DAB1: variants seen among roughly 807,000 people sequenced by gnomAD.
DAB1 encodes the protein DAB adaptor protein 1.
DAB1 carries 15 observed loss-of-function variants against 64.6 expected under a neutral mutation model. That is an observed-to-expected ratio of 0.23 (90% confidence interval 0.16 to 0.36). DAB1 has a LOEUF of 0.36. Among genes scored for constraint, DAB1 ranks in the 10% least tolerant of loss-of-function variants. The pLI is 1.00. For missense variants in DAB1, 596 were observed against 706.7 expected (o/e 0.84, Z 1.78); for synonymous variants, 235 against 251.9 (o/e 0.93, Z 0.64).
At chr1:57,510,503 T>A (rs955279750) in intron 7 of DAB1, among the ~76,000 whole-genome samples, 2 of 152,160 alleles carry the variant, frequency 1.3e-5, no homozygotes, top group Non-Finnish European at 2.9e-5. Context: ...ATGCTAATGA[T>A]TCCCAAGTTT....
chr1:57,299,647 T>C (rs143376925), intron 1 of DAB1, among the ~76,000 whole-genome samples: 1 of 150,466 alleles, frequency 6.6e-6, no homozygotes, highest in African/African-American at 2.5e-5. Context: ...ATTCCATTAG[T>C]GTTTTCAATA....
chr1:57,206,424 A>C (rs10489465), intron 2 of DAB1, among the ~76,000 whole-genome samples: 20,707 of 152,186 alleles, frequency 0.14, 1,785 homozygotes, highest in Admixed American at 0.25. Context: ...TGTAATATGG[A>C]AACAGTCTAT....
At chr1:58,353,665 T>A (rs560398758) in intron 3 of DAB1, among the ~76,000 whole-genome samples, 9 of 152,140 alleles carry the variant, frequency 5.9e-5, no homozygotes, top group Non-Finnish European at 1.0e-4. Flanking sequence ...TTGAGCAGAA[T>A]AGAATGAAAA....
intron 7 of DAB1, among the ~76,000 whole-genome samples, chr1:57,580,934 G>C (rs1645305628): frequency 6.6e-6 from 1 of 152,214 alleles, no homozygotes; most frequent in East Asian, 1.9e-4. Context: ...GCTGAGTTCA[G>C]ATAAGGGTAC....
intron 5 of DAB1, among the ~76,000 whole-genome samples, chr1:58,093,827 T>C (rs956400007): frequency 2.0e-5 from 3 of 152,176 alleles, no homozygotes; most frequent in Admixed American, 2.0e-4. Flanking sequence ...TAGGATGGGC[T>C]CCTGGCACAG....
At chr1:57,565,925 C>A (rs2101520101) in intron 7 of DAB1, among the ~76,000 whole-genome samples, 2 of 152,292 alleles carry the variant, frequency 1.3e-5, no homozygotes, top group South Asian at 2.1e-4. Flanking sequence ...ACCAAGCAGA[C>A]CTAATAGACA....
chr1:58,377,361 T>G (rs1227637878), intron 3 of DAB1, among the ~76,000 whole-genome samples: 2 of 141,186 alleles, frequency 1.4e-5, no homozygotes, highest in Non-Finnish European at 3.1e-5. Context: ...AGGAGCTCTT[T>G]TAGGGCAGGC....
chr1:58,028,614 C>T (rs1646929096), intron 5 of DAB1, among the ~76,000 whole-genome samples: 1 of 152,196 alleles, frequency 6.6e-6, no homozygotes. Flanking sequence ...CAGAGAACAT[C>T]ACTTTGTACA....
intron 4 of DAB1, among the ~76,000 whole-genome samples, chr1:58,286,296 A>C (rs1661680709): frequency 6.6e-6 from 1 of 152,224 alleles, no homozygotes; most frequent in African/African-American, 2.4e-5. Context: ...AATTGCAACA[A>C]AAGCAAAAAT....
chr1:57,487,502 G>A (rs1215724164), intron 7 of DAB1, among the ~76,000 whole-genome samples: 4 of 152,164 alleles, frequency 2.6e-5, no homozygotes, highest in African/African-American at 9.7e-5. Context: ...ATCTGCTCTA[G>A]TTCTGGCACT....
At chr1:57,816,533 G>C (rs1651861632) in intron 6 of DAB1, among the ~76,000 whole-genome samples, 1 of 152,188 alleles carries the variant, frequency 6.6e-6, no homozygotes, top group African/African-American at 2.4e-5. Context: ...TGAAATTTTT[G>C]ATGACATACT....
intron 3 of DAB1, among the ~76,000 whole-genome samples, chr1:58,343,607 T>G (rs1227237628): frequency 6.6e-6 from 1 of 152,194 alleles, no homozygotes; most frequent in African/African-American, 2.4e-5. Flanking sequence ...GACCCAGAAT[T>G]CATGTTGTGC....
intron 5 of DAB1, among the ~76,000 whole-genome samples, chr1:57,898,603 T>C (rs900792394): frequency 1.3e-5 from 2 of 152,140 alleles, no homozygotes; most frequent in Non-Finnish European, 2.9e-5. Flanking sequence ...GGAACAAATA[T>C]AGTGGTTAAG....
intron 4 of DAB1, among the ~76,000 whole-genome samples, chr1:58,222,146 A>G (rs1317615118): frequency 6.6e-6 from 1 of 152,204 alleles, no homozygotes. Context: ...AAAACTGTGG[A>G]ACTTAACTTT....
intron 3 of DAB1, among the ~76,000 whole-genome samples, chr1:58,386,747 A>C (rs1047032190): frequency 6.6e-6 from 1 of 152,238 alleles, no homozygotes; most frequent in African/African-American, 2.4e-5. Context: ...TACAGATCAA[A>C]AGGAATAACA....
At chr1:57,069,720 T>C (rs1326740009) in intron 7 of DAB1, among the ~76,000 whole-genome samples, 2 of 152,186 alleles carry the variant, frequency 1.3e-5, no homozygotes, top group South Asian at 2.1e-4. Context: ...GTCTCAGTAA[T>C]ACCTGAATAC....
intron 5 of DAB1, among the ~76,000 whole-genome samples, chr1:58,058,703 A>C (rs748592458): frequency 3.7e-4 from 56 of 152,228 alleles, no homozygotes; most frequent in Admixed American, 1.0e-3. Context: ...TCATCACAGA[A>C]AGATGTGCAT....
At chr1:57,336,482 T>C (rs1187896597) in intron 1 of DAB1, among the ~76,000 whole-genome samples, 2 of 152,208 alleles carry the variant, frequency 1.3e-5, no homozygotes, top group African/African-American at 4.8e-5. Flanking sequence ...TCTGAACAAC[T>C]TCTTTGGAAC....
At chr1:57,814,696 A>G (rs1368366736) in intron 6 of DAB1, among the ~76,000 whole-genome samples, 1 of 152,216 alleles carries the variant, frequency 6.6e-6, no homozygotes, top group African/African-American at 2.4e-5. Context: ...ATCAAGGGCA[A>G]TGCAAAATCA....
Sources: gnomAD v4.1 joint callset for allele counts (sites outside exome capture counted in the v4.1 genomes callset) on GRCh38, gnomAD v4.1.1 for gene constraint, MANE v1.5 for transcripts, NCBI Gene and HGNC (gene_info 2026-07-23, HGNC 2026-07-21) for gene names.